The following FIP1L1 variants were observed in gnomAD, a reference collection of about 807,000 sequenced individuals.
FIP1L1 encodes pre-mRNA 3'-end-processing factor FIP1.
FIP1L1 carries 21 observed loss-of-function variants against 84.6 expected under a neutral mutation model. The ratio of observed to expected loss-of-function variants is 0.25; its 90% CI spans 0.18 to 0.36. The LOEUF (loss-of-function observed/expected upper bound fraction) is 0.36, where lower values mean the gene tolerates loss of function less well. FIP1L1 is among the 10% of genes least tolerant of loss of function. The probability of loss-of-function intolerance (pLI) is 1.00; values close to 1 mark genes in which losing one functional copy is unlikely to be tolerated. For synonymous variants in FIP1L1, 263 were observed against 242.3 expected, an observed-to-expected ratio of 1.09 and a Z score of -0.80; for missense variants, 526 against 751.1, an observed-to-expected ratio of 0.70 and a Z score of 3.50.
intron 5 of FIP1L1, among the ~76,000 whole-genome samples, chr4:53,385,284 A>G (rs1287849811): frequency 6.6e-6 from 1 of 152,170 alleles, no homozygotes; most frequent in East Asian, 1.9e-4. Flanking sequence ...TTATAGAACA[A>G]CTTGAAGCAA....
Position 53,394,683 on chromosome 4 carries a change from T to G in FIP1L1, c.705+3185T>G, listed in dbSNP as rs558877579. 2.0e-5 allele frequency among the ~76,000 whole-genome samples: 3 copies of G among 152,218 alleles called. No homozygotes were observed. The East Asian group carries it at 5.8e-4, about 29-fold the overall frequency. ...TCTAATTTCAAAGTTCTAAATTTTG[T>G]TGCTTTCTCAGTTTTTTTCTTATAG... On this transcript the variant is annotated intron_variant, in intron 9 of 17. Transcript: ENST00000337488.
intron 16 of FIP1L1, 123 bp from the exon 17 acceptor site, chr4:53,458,530 G>A: frequency 1.2e-6 from 1 of 863,524 alleles, no homozygotes; most frequent in Non-Finnish European, 1.7e-6. Context: ...CCTCACTAAT[G>A]TTATAAAAGA....
chr4:53,384,841 CAT>C (rs1185623749), intron 5 of FIP1L1, among the ~76,000 whole-genome samples: 2 of 152,202 alleles, frequency 1.3e-5, no homozygotes, highest in Non-Finnish European at 2.9e-5. Flanking sequence ...GCATTGGAAA[CAT>C]AAAATACATT....
intron 10 of FIP1L1, among the ~76,000 whole-genome samples, chr4:53,404,915 G>C (rs1478942646): frequency 1.3e-5 from 2 of 150,834 alleles, no homozygotes; most frequent in Non-Finnish European, 3.0e-5. Context: ...TTAGCCCTTT[G>C]TCAGATGAGT....
chr4:53,379,377 C>T (rs1473289032), intron 3 of FIP1L1, 113 bp downstream of exon 3: 2 of 911,474 alleles, frequency 2.2e-6, no homozygotes, highest in South Asian at 1.7e-5. Flanking sequence ...CACTGACTTA[C>T]AACATTTTGG....
intron 5 of FIP1L1, among the ~76,000 whole-genome samples, chr4:53,386,828 T>C (rs1232336752): frequency 6.6e-6 from 1 of 152,162 alleles, no homozygotes; most frequent in Non-Finnish European, 1.5e-5. Flanking sequence ...TGTTGTTCTG[T>C]TTTGCTTTGT....
chr4:53,437,765 G>C (rs1259971893), intron 13 of FIP1L1, among the ~76,000 whole-genome samples: 1 of 151,664 alleles, frequency 6.6e-6, no homozygotes, highest in Non-Finnish European at 1.5e-5. Context: ...TCGCTCTGTT[G>C]CCCAGGCTGG....
At chr4:53,404,249 G>C (rs1751933897) in intron 10 of FIP1L1, among the ~76,000 whole-genome samples, 1 of 143,880 alleles carries the variant, frequency 7.0e-6, no homozygotes. Context: ...CTATGAGTGA[G>C]AATATGCGGT....
Position 53,391,140 on chromosome 4 carries a change from G to A in FIP1L1, c.636+1G>A, listed in dbSNP as rs777254729. ...AACCTCTACTACAAATAAAATTACG[G>A]TAATTAATAAATACTCCGGAATACC... On this transcript the variant is annotated splice_donor_variant, in intron 8 of 17. Transcript: ENST00000337488. LOFTEE classifies it high-confidence loss of function. 6.3e-7 allele frequency: 1 copy of A among 1,596,288 alleles called. No individual in the cohort carries two copies. The highest frequency in any genetic ancestry group is 1.4e-5 in the African/African-American group (1 of 73,630).
chr4:53,422,995 C>T (rs1028428745), intron 11 of FIP1L1, among the ~76,000 whole-genome samples: 1 of 152,134 alleles, frequency 6.6e-6, no homozygotes, highest in East Asian at 1.9e-4. Flanking sequence ...GCATTACATG[C>T]GTGAGCCTGA....
At chr4:53,395,423 C>T (rs1746696257) in intron 9 of FIP1L1, among the ~76,000 whole-genome samples, 2 of 152,180 alleles carry the variant, frequency 1.3e-5, no homozygotes. Flanking sequence ...TTCCCGGTTC[C>T]TCCTTCCCGG....
At chr4:53,404,259 T>G (rs1175246367) in intron 10 of FIP1L1, among the ~76,000 whole-genome samples, 1 of 146,304 alleles carries the variant, frequency 6.8e-6, no homozygotes, top group Non-Finnish European at 1.5e-5. Context: ...GAATATGCGG[T>G]GTTTGGTTTT....
At chr4:53,445,117 A>G (rs1773629876) in intron 15 of FIP1L1, among the ~76,000 whole-genome samples, 2 of 152,188 alleles carry the variant, frequency 1.3e-5, no homozygotes, top group Admixed American at 6.5e-5. Context: ...GCTGGAATGT[A>G]GAGACTGTGT....
Position 53,459,774 on chromosome 4 carries a change from GGGCCACAGTTTTT to G in FIP1L1, c.*326_*338del, listed in dbSNP as rs968705551. On this transcript the variant is annotated 3_prime_UTR_variant, in exon 18 of 18. Coordinates refer to ENST00000337488, the MANE Select transcript of FIP1L1 (RefSeq NM_030917.4). The stretch of plus-strand genomic sequence containing the variant: ...TGAGAAAAGGTCAAGGGTTCCACTT[GGGCCACAGTTTTT>G]TTGTTAATCAAACACCACTCTCTTA... 1.5e-5 allele frequency: 5 copies of G among 324,342 alleles called. No individual in the cohort carries two copies. Among genetic ancestry groups the G allele is most frequent in the Non-Finnish European group, 2.9e-5 (5 of 174,766 alleles). 20.1% of individuals were successfully genotyped at this position (324,342 alleles called of 1,614,324 possible).
intron 12 of FIP1L1, among the ~76,000 whole-genome samples, chr4:53,426,624 T>C (rs6554106): frequency 0.69 from 105,585 of 152,020 alleles, 36,731 homozygotes; most frequent in Middle Eastern, 0.72. Flanking sequence ...TAACCACATC[T>C]GGTACATCTC....
At chr4:53,378,236 T>C (rs1735756522) in intron 1 of FIP1L1, 2 of 288,064 alleles carry the variant, frequency 6.9e-6, no homozygotes, top group Non-Finnish European at 6.4e-6. Flanking sequence ...CTGCGCTCTT[T>C]ACCCTTGTTT....
At chr4:53,412,981 C>A (rs1283955357) in intron 10 of FIP1L1, among the ~76,000 whole-genome samples, 1 of 152,128 alleles carries the variant, frequency 6.6e-6, no homozygotes, top group African/African-American at 2.4e-5. Context: ...CACTTAGACT[C>A]ATAAATTCTT....
At chr4:53,446,535 T>G (rs536546968) in intron 15 of FIP1L1, among the ~76,000 whole-genome samples, 99 of 152,320 alleles carry the variant, frequency 6.5e-4, no homozygotes, top group African/African-American at 2.3e-3. Flanking sequence ...GTTCATCTCA[T>G]GTTAGTAGCT....
intron 7 of FIP1L1, 68 bp from the exon 8 acceptor site, chr4:53,390,941 T>C (rs1743941352): frequency 7.9e-7 from 1 of 1,259,572 alleles, no homozygotes; most frequent in African/African-American, 1.5e-5. Context: ...TATAGTTTAG[T>C]ATATTTTTGA....
Sources: allele counts gnomAD v4.1 joint callset (sites outside exome capture counted in the v4.1 genomes callset), GRCh38; gene constraint gnomAD v4.1.1; transcripts MANE v1.5; gene names NCBI Gene and HGNC (gene_info 2026-07-23, HGNC 2026-07-21).